PRAMEF14: variants seen among roughly 807,000 people sequenced by gnomAD.
PRAMEF14 encodes PRAME family member 14.
PRAMEF14 carries 24 observed loss-of-function variants against 38.3 expected under a neutral mutation model. That is an observed-to-expected ratio of 0.63 (90% confidence interval 0.45 to 0.88). The LOEUF (loss-of-function observed/expected upper bound fraction) is 0.88. Ranked by LOEUF, PRAMEF14 falls within the 40% of genes least tolerant of loss-of-function variation. The pLI, the probability that PRAMEF14 is intolerant of heterozygous loss-of-function variation, is 0.00. For missense variants in PRAMEF14, 477 were observed against 570.8 expected, an observed-to-expected ratio of 0.84 and a Z score of 1.67; for synonymous variants, 194 against 226.4, an observed-to-expected ratio of 0.86 and a Z score of 1.29.
At position 13,344,264 on chromosome 1, in the gene PRAMEF14, T is replaced by C; in HGVS notation, c.640A>G (p.Asn214Asp). 1 of 1,606,044 alleles carries C rather than the reference T, an allele frequency of 6.2e-7. No homozygotes were observed. The highest frequency in any genetic ancestry group is 1.7e-5 in the Admixed American group (1 of 59,846). Residue 214 changes from asparagine (N) to aspartate (D), a missense_variant, in exon 3 of 4, where the codon AAC becomes GAC. This residue lies in a region of PRAMEF14 where 234 missense variants were observed against 247.4 expected (regional missense o/e 0.95). Coordinates refer to ENST00000334600, the MANE Select transcript of PRAMEF14 (RefSeq NM_001024661.2). ...CTTATCAGACGTGGCCAGGACATGT[T>C]GCGAATTTCCAGCTGTTGAATACTA... ...LNSIQQLEIRNMSWPRLIRKL... is the reference protein window; with the variant it reads ...LNSIQQLEIRDMSWPRLIRKL...
At position 13,342,765 on chromosome 1, in the gene PRAMEF14, G is replaced by T. The variant is rs1186942967; in HGVS notation, c.1188C>A (p.Asp396Glu). Reference protein sequence around the residue: ...RNCMSMGALKDLLCHTSGLSK... With the variant: ...RNCMSMGALKELLCHTSGLSK... ...TCAGCCCACTGGTGTGGCACAACAG[G>T]TCCTTCAGGGCACCCATAGACATAC... Residue 396 changes from aspartate to glutamate, a missense_variant, in exon 4 of 4, where the codon GAC (aspartate) becomes GAA (glutamate). This residue lies in a region of PRAMEF14 where 151 missense variants were observed against 137.4 expected (regional missense o/e 1.10). Transcript: ENST00000334600. 3 of 1,603,814 alleles carry T rather than the reference G, an allele frequency of 1.9e-6. No homozygotes were observed. The highest frequency in any genetic ancestry group is 2.5e-6 in the Non-Finnish European group (3 of 1,176,932).
chr1:13,345,819 C>T (rs1287637178), intron 1 of PRAMEF14, among the ~76,000 whole-genome samples: 2,320 of 152,006 alleles, frequency 0.015, 52 homozygotes, highest in African/African-American at 0.053. Context: ...GCCTGGCCTA[C>T]ATAATGAAAC....
At position 13,344,195 on chromosome 1, in the gene PRAMEF14, G is replaced by A. The variant is rs1349295673; in HGVS notation, c.709C>T (p.Leu237Phe). The A allele has an allele frequency of 2.2e-5, 35 of 1,608,530 alleles. 1 individual carries two copies. Among genetic ancestry groups the A allele is most frequent in the Non-Finnish European group, 2.9e-5 (34 of 1,178,634 alleles). ...YLKEMKNLRKLVFSRCHHSMS... is the reference protein window; with the variant it reads ...YLKEMKNLRKFVFSRCHHSMS... ...GAATGATGGCACCTGGAGAAAACGA[G>A]TTTGCGAAGATTCTTCATCTCCTTC... Residue 237 changes from leucine (L) to phenylalanine (F), a missense_variant, in exon 3 of 4, where the codon CTC (leucine) becomes TTC (phenylalanine). Leu to Phe is a conservative substitution (Grantham distance 22). This residue lies in a region of PRAMEF14 where 234 missense variants were observed against 247.4 expected (regional missense o/e 0.95). Coordinates refer to ENST00000334600, the MANE Select transcript of PRAMEF14 (RefSeq NM_001024661.2).
At chr1:13,345,363 T>A in intron 1 of PRAMEF14, 24 bp from the exon 2 acceptor site, 1 of 1,590,910 alleles carries the variant, frequency 6.3e-7, no homozygotes, top group East Asian at 2.4e-5. Context: ...CCAGGGAAAA[T>A]GTATCACTCT....
In PRAMEF14 at chr1:13,344,583, A is replaced by G. The variant is rs1268929254; in HGVS notation, c.321T>C (p.Asp107=). Residue 107 remains aspartate, a synonymous_variant, in exon 3 of 4, where the codon GAT becomes GAC. Coordinates refer to ENST00000334600, the MANE Select transcript of PRAMEF14 (RefSeq NM_001024661.2). ...ATCTGGCCCAGAAATTCTCATCAAC[A>G]TCCCGCAAATCCAGCACTTGAAGTT... ...RWKLQVLDLR[D]VDENFWARWP... is the part of the protein sequence containing the mutation. 2.5e-4 allele frequency: 401 copies of G among 1,604,064 alleles called. 87 individuals are homozygous for G. In the East Asian group the frequency reaches 9.2e-3, roughly 37 times the overall value.
intron 3 of PRAMEF14, chr1:13,343,775 A>G: frequency 7.0e-7 from 1 of 1,423,716 alleles, no homozygotes; most frequent in Non-Finnish European, 9.3e-7. Context: ...CCCCCAATAG[A>G]GCTGAAACCC....
rs1195598959 is a variant in PRAMEF14 at position 13,344,967 on chromosome 1, C to T, written c.287+61G>A. ...ACACTTGGGCTACTTCTCTGCCTGA[C>T]CCTGCTGTTCTTTCCCTGGACACCT... On this transcript the variant is annotated intron_variant, in intron 2 of 3. Transcript: ENST00000334600. The T allele has an allele frequency of 4.2e-5, 57 of 1,364,920 alleles. 1 individual carries two copies. Among genetic ancestry groups the T allele is most frequent in the Admixed American group, 7.4e-5 (4 of 53,760 alleles). The allele number at this position is 1,364,920 out of a possible 1,614,324, so 84.6% of individuals were successfully genotyped here.
At position 13,346,451 on chromosome 1, in the gene PRAMEF14, T is replaced by A. The variant is rs1425052977; in HGVS notation, c.-26+606A>T. Among the ~76,000 whole-genome samples, 14 of 150,484 alleles carry A rather than the reference T, an allele frequency of 9.3e-5. 1 individual carries two copies. Among genetic ancestry groups the A allele is most frequent in the Admixed American group, 7.9e-4 (12 of 15,124 alleles). ...TGTAACTAGGAGGCAGAAATTTCAG[T>A]GAGCCAAATCACACCATGGCACTGC... On this transcript the variant is annotated intron_variant, in intron 1 of 3. Coordinates refer to ENST00000334600, the MANE Select transcript of PRAMEF14 (RefSeq NM_001024661.2).
chr1:13,344,469 C>A lies in PRAMEF14; in HGVS notation c.435G>T (p.Gln145His). 1 of 1,607,214 alleles carries A rather than the reference C, an allele frequency of 6.2e-7. No homozygotes were observed. Among genetic ancestry groups the A allele is most frequent in the Non-Finnish European group, 8.5e-7 (1 of 1,178,872 alleles). ...AEDCPRMGEHQPLKVFIDICL... is the reference protein window; with the variant it reads ...AEDCPRMGEHHPLKVFIDICL... ...AGATGTCTATGAACACCTTTAAGGG[C>A]TGGTGCTCTCCCATCCTTGGACAGT... Residue 145 changes from glutamine to histidine, a missense_variant, in exon 3 of 4, where the codon CAG (glutamine) becomes CAT (histidine). Physicochemically the swap from Gln to His is conservative, Grantham distance 24 (BLOSUM62 0). Coordinates refer to ENST00000334600, the MANE Select transcript of PRAMEF14 (RefSeq NM_001024661.2).
intron 3 of PRAMEF14, chr1:13,343,714 G>T: frequency 7.4e-7 from 1 of 1,344,226 alleles, no homozygotes; most frequent in Non-Finnish European, 9.8e-7. Flanking sequence ...TTATCTCTTT[G>T]ACATCATATC....
intron 3 of PRAMEF14, 75 bp from the exon 4 acceptor site, chr1:13,343,161 C>T: frequency 3.4e-6 from 4 of 1,163,862 alleles, no homozygotes; most frequent in Non-Finnish European, 2.4e-6. Flanking sequence ...TAGGAAAATG[C>T]CTGCGTCAAA....
chr1:13,345,152 T>C lies in PRAMEF14; in HGVS notation c.163A>G (p.Met55Val). The change falls in exon 2 of 4, where the codon ATG (methionine) becomes GTG (valine). Residue 55 changes from methionine to valine, a missense_variant. Coordinates refer to ENST00000334600, the MANE Select transcript of PRAMEF14 (RefSeq NM_001024661.2). ...CAGGTGAAGGGCCAGGCCTGCACCA[T>C]CACCGTCAGAGTCTGGAAGTGTCTC... ...RRRHFQTLTV[M>V]VQAWPFTCLP... 1 of 1,603,166 alleles carries C rather than the reference T, an allele frequency of 6.2e-7. No individual in the cohort carries two copies. Among genetic ancestry groups the C allele is most frequent in the Non-Finnish European group, 8.5e-7 (1 of 1,175,858 alleles).
At chr1:13,343,549 C>G in intron 3 of PRAMEF14, 1 of 1,311,350 alleles carries the variant, frequency 7.6e-7, no homozygotes, top group South Asian at 1.2e-5. Flanking sequence ...CACACATTTC[C>G]CATGTCAGTT....
At position 13,344,511 on chromosome 1, in the gene PRAMEF14, C is replaced by G. The variant is rs1640376142; in HGVS notation, c.393G>C (p.Lys131Asn). 1 of 1,607,122 alleles carries G rather than the reference C, an allele frequency of 6.2e-7. No homozygotes were observed. The highest frequency in any genetic ancestry group is 1.7e-5 in the Admixed American group (1 of 59,816). Residue 131 changes from lysine to asparagine, a missense_variant, in exon 3 of 4, where the codon AAG becomes AAC. This residue lies in a region of PRAMEF14 where 234 missense variants were observed against 247.4 expected (regional missense o/e 0.95). Coordinates refer to ENST00000334600, the MANE Select transcript of PRAMEF14 (RefSeq NM_001024661.2). ...TTGGACAGTCCTCTGCTGTCTGCCT[C>G]TTACTCATGGTCTCTGGGAAGCAGG... ...ALSCFPETMSKRQTAEDCPRM... is the reference protein window; with the variant it reads ...ALSCFPETMSNRQTAEDCPRM...
rs1640387321 is a variant in PRAMEF14 at position 13,345,300 on chromosome 1, G to A, written c.15C>T (p.Ala5=). 6.2e-7 allele frequency: 1 copy of A among 1,606,684 alleles called. No homozygotes were observed. Among genetic ancestry groups the A allele is most frequent in the East Asian group, 2.4e-5 (1 of 42,284 alleles). The change falls in exon 2 of 4, where the codon GCC becomes GCT. Residue 5 remains alanine (A), a synonymous_variant. Coordinates refer to ENST00000334600, the MANE Select transcript of PRAMEF14 (RefSeq NM_001024661.2). ...CTGCCAGCTCCAGGAGTCTGGGTGG[G>A]GCCTGGATGCTCATCCTGATAGATC... MSIQ[A]PPRLLELAGQ...
Position 13,342,774 on chromosome 1 carries a change from G to T in PRAMEF14, c.1179C>A (p.Ala393=). The change falls in exon 4 of 4, where the codon GCC becomes GCA. Residue 393 remains alanine (A), a synonymous_variant. Transcript: ENST00000334600. ...TGGTGTGGCACAACAGGTCCTTCAG[G>T]GCACCCATAGACATACAATTTCTGC... ...YFGRNCMSMG[A]LKDLLCHTSG... 1 of 1,603,896 alleles carries T rather than the reference G, an allele frequency of 6.2e-7. No homozygotes were observed. The highest frequency in any genetic ancestry group is 8.5e-7 in the Non-Finnish European group (1 of 1,176,932).
chr1:13,343,967 C>A (rs2100352034), intron 3 of PRAMEF14, 71 bp downstream of exon 3: 3 of 1,599,586 alleles, frequency 1.9e-6, no homozygotes, highest in Non-Finnish European at 1.7e-6. Context: ...CAGTACACGC[C>A]TTCTAATGTT....
chr1:13,342,894 G>A lies in PRAMEF14; in HGVS notation c.1059C>T (p.Thr353=). 1.9e-6 allele frequency: 3 copies of A among 1,608,078 alleles called. No homozygotes were observed. ...LLEKIAASLE[T]LILEGCQIHY... ...GGATCTGACAGCCCTCCAAGATGAG[G>A]GTTTCGAGAGAGGCAGCAATTTTCT... Residue 353 remains threonine (T), a synonymous_variant, in exon 4 of 4, where the codon ACC becomes ACT. Coordinates refer to ENST00000334600, the MANE Select transcript of PRAMEF14 (RefSeq NM_001024661.2).
rs1314563989 is a variant in PRAMEF14 at position 13,344,689 on chromosome 1, C to A, written c.288-73G>T. The A allele has an allele frequency of 2.0e-5, 32 of 1,589,840 alleles. 2 individuals are homozygous for A. Among genetic ancestry groups the A allele is most frequent in the East Asian group, 1.4e-4 (6 of 41,572 alleles). ...CTGACCTTTGCTTTCATTCTCATCC[C>A]ATAAATCAGCTGCTCCTGTCCTCAG... On this transcript the variant is annotated intron_variant, in intron 2 of 3. Coordinates refer to ENST00000334600, the MANE Select transcript of PRAMEF14 (RefSeq NM_001024661.2).
Sources: gnomAD v4.1 joint callset for allele counts (sites outside exome capture counted in the v4.1 genomes callset) on GRCh38, gnomAD v4.1.1 for gene constraint, gnomAD v4.1.1 regional missense constraint, MANE v1.5 for transcripts, NCBI Gene and HGNC (gene_info 2026-07-23, HGNC 2026-07-21) for gene names.